Variants in CTTNBP2 observed in about 807,000 individuals in gnomAD.
CTTNBP2 encodes cortactin-binding protein 2.
In CTTNBP2, 108 loss-of-function variants were observed where a neutral mutation model predicts 156.9. The ratio of observed to expected loss-of-function variants is 0.69; its 90% CI spans 0.59 to 0.81. The LOEUF (loss-of-function observed/expected upper bound fraction) is 0.81, where lower values mean the gene tolerates loss of function less well. Ranked by LOEUF, CTTNBP2 falls within the 30% of genes least tolerant of loss-of-function variation. The pLI is 0.00. For missense variants in CTTNBP2, 1,924 were observed against 2,035.4 expected (o/e 0.95, Z 1.05); for synonymous variants, 767 against 751.8 (o/e 1.02, Z -0.33).
chr7:117,792,442 T>C lies in CTTNBP2; in HGVS notation c.754A>G (p.Thr252Ala), dbSNP rs770440762. 2 of 1,614,194 alleles carry C rather than the reference T, an allele frequency of 1.2e-6. No homozygotes were observed. The highest frequency in any genetic ancestry group is 3.3e-5 in the Admixed American group (2 of 60,030). ...TCTATCTCCTCTTTGAGGTCAGTGG[T>C]GTGTGCTTCTTCCCGGTTCAGCTTG... Reference protein sequence around the residue: ...RAKLNREEAHTTDLKEEIDKM... With the variant: ...RAKLNREEAHATDLKEEIDKM... The change falls in exon 4 of 23, where the codon ACC becomes GCC. Residue 252 changes from threonine (T) to alanine (A), a missense_variant. Physicochemically the swap from Thr to Ala is moderately conservative, Grantham distance 58 (BLOSUM62 0). Coordinates refer to ENST00000160373, the MANE Select transcript of CTTNBP2 (RefSeq NM_033427.3). This position sits in a 1 kb window ranked among gnomAD's most constrained non-coding sequence, Gnocchi z 4.2.
At chr7:117,872,102 G>A (rs1428128635) in intron 1 of CTTNBP2, 1 of 412,134 alleles carries the variant, frequency 2.4e-6, no homozygotes, top group Non-Finnish European at 3.3e-6. Flanking sequence ...ATCAAAACTT[G>A]CCAGTTTTAC....
intron 1 of CTTNBP2, among the ~76,000 whole-genome samples, chr7:117,865,778 T>C (rs532966060): frequency 1.5e-4 from 23 of 150,520 alleles, no homozygotes; most frequent in Admixed American, 1.4e-3. Context: ...CCAGAAAAAG[T>C]GCTTAACACC....
At chr7:117,844,398 T>C (rs1333728991) in intron 2 of CTTNBP2, among the ~76,000 whole-genome samples, 1 of 152,116 alleles carries the variant, frequency 6.6e-6, no homozygotes, top group Non-Finnish European at 1.5e-5. Flanking sequence ...ATACATCCTA[T>C]TCCTAGAGCC....
Position 117,719,571 on chromosome 7 carries a change from T to A in CTTNBP2, c.4577A>T (p.Asp1526Val). 1 of 1,613,902 alleles carries A rather than the reference T, an allele frequency of 6.2e-7. No homozygotes were observed. The highest frequency in any genetic ancestry group is 1.1e-5 in the South Asian group (1 of 91,058). ...LDQRLSLGSDDEADLVKELQS... is the reference protein window; with the variant it reads ...LDQRLSLGSDVEADLVKELQS... ...AAGTTCCTTGACAAGATCTGCTTCG[T>A]CATCTGAACCCAGAGAGAGTCTCTG... The change falls in exon 21 of 23, where the codon GAC becomes GTC. Residue 1526 changes from aspartate (D) to valine (V), a missense_variant. Asp to Val is a radical substitution (Grantham distance 152, BLOSUM62 -3). Coordinates refer to ENST00000160373, the MANE Select transcript of CTTNBP2 (RefSeq NM_033427.3).
Position 117,711,200 on chromosome 7 carries a change from T to A in CTTNBP2, c.*337A>T, listed in dbSNP as rs1794033071. Reference sequence around the variant, plus strand: ...ATTTCTGGACTTCCTTAAATATACATACATATATACATATATACAGATATA... The same window carrying A: ...ATTTCTGGACTTCCTTAAATATACAAACATATATACATATATACAGATATA... On this transcript the variant is annotated 3_prime_UTR_variant, in exon 23 of 23. Transcript: ENST00000160373. 6.0e-6 allele frequency: 1 copy of A among 165,402 alleles called. No homozygotes were observed. Among genetic ancestry groups the A allele is most frequent in the African/African-American group, 2.4e-5 (1 of 41,742 alleles). The allele number at this position is 165,402 out of a possible 1,614,324, so 10.2% of individuals were successfully genotyped here. A position where few individuals can be genotyped will look rare whatever the true frequency, so the allele number is the denominator to read the frequency against.
At chr7:117,734,038 G>C (rs571249646) in intron 16 of CTTNBP2, among the ~76,000 whole-genome samples, 1 of 152,340 alleles carries the variant, frequency 6.6e-6, no homozygotes, top group South Asian at 2.1e-4. Context: ...TTCTGCCCTT[G>C]AACATGTTTT....
At chr7:117,764,224 C>T (rs1420546511) in intron 9 of CTTNBP2, among the ~76,000 whole-genome samples, 1 of 152,138 alleles carries the variant, frequency 6.6e-6, no homozygotes, top group African/African-American at 2.4e-5. Flanking sequence ...CATTCATGTC[C>T]ACAGGATTGC....
chr7:117,735,321 A>G lies in CTTNBP2; in HGVS notation c.3636T>C (p.Phe1212=). The change falls in exon 15 of 23, where the codon TTT becomes TTC. Residue 1212 remains phenylalanine, a synonymous_variant. Transcript: ENST00000160373. ...TGCTGCGATTTTCAAGAGGTGCCAA[A>G]AAGTCCCTCAATAACTCCGACAGTG... ...KSSLSELLRD[F]LAPLENRSTE... 6.2e-7 allele frequency: 1 copy of G among 1,614,086 alleles called. No individual in the cohort carries two copies. Among genetic ancestry groups the G allele is most frequent in the East Asian group, 2.2e-5 (1 of 44,880 alleles).
chr7:117,728,001 G>T (rs1299667213), intron 17 of CTTNBP2, 88 bp downstream of exon 17: 6 of 1,217,952 alleles, frequency 4.9e-6, no homozygotes, highest in Admixed American at 4.1e-5. Flanking sequence ...GGTGGCACAA[G>T]GCAGCCTGGT....
intron 12 of CTTNBP2, among the ~76,000 whole-genome samples, chr7:117,753,730 G>A (rs919931910): frequency 6.6e-6 from 1 of 151,660 alleles, no homozygotes; most frequent in Non-Finnish European, 1.5e-5. Context: ...CATGGTGGAG[G>A]GGGTGGAACA....
At chr7:117,811,082 G>C in intron 2 of CTTNBP2, 93 bp from the exon 3 acceptor site, 1 of 943,422 alleles carries the variant, frequency 1.1e-6, no homozygotes, top group Non-Finnish European at 1.6e-6. Flanking sequence ...CTTCCAAATG[G>C]TATTCTCAAC....
chr7:117,757,459 C>T (rs1012412897), intron 11 of CTTNBP2, among the ~76,000 whole-genome samples: 2 of 141,884 alleles, frequency 1.4e-5, no homozygotes, highest in Non-Finnish European at 3.0e-5. Flanking sequence ...GGGTCTAGCA[C>T]ATAGCAGGTG....
intron 3 of CTTNBP2, among the ~76,000 whole-genome samples, chr7:117,800,769 TAGAG>T (rs1020040333): frequency 4.6e-5 from 7 of 152,098 alleles, no homozygotes; most frequent in Non-Finnish European, 8.8e-5. Context: ...GCTTGATACA[TAGAG>T]AGACAGACAA....
Position 117,830,144 on chromosome 7 carries a change from T to C in CTTNBP2, c.190-19155A>G, listed in dbSNP as rs374794413. On this transcript the variant is annotated intron_variant, in intron 2 of 22. Transcript: ENST00000160373. ...CCAAAATTACTACTTTGGAAGCTAA[T>C]TTAGTATTGGCAACAGTCTTAATTT... Among the ~76,000 whole-genome samples the C allele has an allele frequency of 7.5e-4, 115 of 152,352 alleles. 1 individual carries two copies. The highest frequency in any genetic ancestry group is 2.6e-3 in the African/African-American group (109 of 41,596).
At chr7:117,726,356 T>C (rs1355871208) in intron 17 of CTTNBP2, among the ~76,000 whole-genome samples, 1 of 152,210 alleles carries the variant, frequency 6.6e-6, no homozygotes, top group Non-Finnish European at 1.5e-5. Flanking sequence ...TAATGTCTAG[T>C]GCTACACAAT....
intron 9 of CTTNBP2, among the ~76,000 whole-genome samples, chr7:117,762,531 C>T (rs776532823): frequency 1.3e-5 from 2 of 152,122 alleles, no homozygotes; most frequent in Non-Finnish European, 2.9e-5. Flanking sequence ...CCAAGTCCTT[C>T]TCATTACCTC....
Position 117,760,559 on chromosome 7 carries a change from A to G in CTTNBP2, c.3048T>C (p.Ala1016=). 1 of 1,614,192 alleles carries G rather than the reference A, an allele frequency of 6.2e-7. No individual in the cohort carries two copies. The highest frequency in any genetic ancestry group is 2.2e-5 in the East Asian group (1 of 44,888). Residue 1016 remains alanine, a synonymous_variant, in exon 10 of 23, where the codon GCT becomes GCC. Transcript: ENST00000160373. ...WDDFSKAVSQ[A]LTNHFQAISS... ...AGATTGCCTGGAAATGATTTGTCAGAGCTTGACTCACTGCTTTTGAAAAAT... is the reference window on the plus strand; with the variant it reads ...AGATTGCCTGGAAATGATTTGTCAGGGCTTGACTCACTGCTTTTGAAAAAT...
chr7:117,791,842 A>G lies in CTTNBP2; in HGVS notation c.1354T>C (p.Phe452Leu). ...NPRIQAARFR[F>L]QGNANDPDQN... is the part of the protein sequence containing the mutation. The stretch of plus-strand genomic sequence containing the variant: ...TCTGGGTCGTTAGCATTGCCCTGAA[A>G]TCTAAATCTAGCTGCTTGGATTCGT... The change falls in exon 4 of 23, where the codon TTT (phenylalanine) becomes CTT (leucine). Residue 452 changes from phenylalanine (F) to leucine (L), a missense_variant. Transcript: ENST00000160373. 6.2e-7 allele frequency: 1 copy of G among 1,614,148 alleles called. No individual in the cohort carries two copies. Among genetic ancestry groups the G allele is most frequent in the Non-Finnish European group, 8.5e-7 (1 of 1,180,026 alleles).
At chr7:117,864,155 A>G (rs891134137) in intron 1 of CTTNBP2, among the ~76,000 whole-genome samples, 3 of 152,216 alleles carry the variant, frequency 2.0e-5, no homozygotes, top group Admixed American at 6.5e-5. Flanking sequence ...CTACAGCTAA[A>G]ACTTCTGTTT....
Sources: allele counts gnomAD v4.1 joint callset (sites outside exome capture counted in the v4.1 genomes callset), GRCh38; gene constraint gnomAD v4.1.1; non-coding constraint Gnocchi (gnomAD v3.1); transcripts MANE v1.5; gene names NCBI Gene and HGNC (gene_info 2026-07-23, HGNC 2026-07-21).